TFEB: variants seen among roughly 807,000 people sequenced by gnomAD.
TFEB encodes transcription factor EB, also known as T-cell transcription factor EB.
A neutral mutation model predicts 48.0 loss-of-function variants in TFEB; 12 were observed. That is an observed-to-expected ratio of 0.25 (90% CI 0.16 to 0.40). TFEB has a LOEUF of 0.40. Among genes scored for constraint, TFEB ranks in the 10% least tolerant of loss-of-function variants. TFEB has a pLI of 1.00. For synonymous variants in TFEB, 244 were observed against 261.4 expected, an observed-to-expected ratio of 0.93 and a Z score of 0.64; for missense variants, 509 against 640.3, an observed-to-expected ratio of 0.79 and a Z score of 2.21.
At position 41,734,858 on chromosome 6, in the gene TFEB, C is replaced by G. The variant is rs866371355; in HGVS notation, c.-23+492G>C. 11 of 983,120 alleles carry G rather than the reference C, an allele frequency of 1.1e-5. No individual in the cohort carries two copies. In the South Asian group the frequency reaches 4.2e-4, roughly 38 times the overall value. 60.9% of individuals were successfully genotyped at this position (983,120 alleles called of 1,614,324 possible). On this transcript the variant is annotated intron_variant, in intron 1 of 8. Transcript: ENST00000373033. This position sits in a 1 kb window ranked among gnomAD's most constrained non-coding sequence, Gnocchi z 4.0. ...CGCCGCTCTGGCCCTCCCACTCCCC[C>G]CGCTGGCCTGGCCAGACTCAGCCCC...
chr6:41,730,656 C>T lies in TFEB; in HGVS notation c.-23+4694G>A, dbSNP rs1217244841. ...TTGCCATTTCACAGCAAAGCATTTC[C>T]TGTGGGCATGATAAGTCCCAGATCC... On this transcript the variant is annotated intron_variant, in intron 1 of 8. Transcript: ENST00000373033. The surrounding 1 kb of genome is among the most constrained non-coding windows in gnomAD (Gnocchi z 4.1). Among the ~76,000 whole-genome samples, 1 of 152,236 alleles carries T rather than the reference C, an allele frequency of 6.6e-6. No homozygotes were observed. Among genetic ancestry groups the T allele is most frequent in the East Asian group, 1.9e-4 (1 of 5,200 alleles).
Position 41,734,970 on chromosome 6 carries a change from G to A in TFEB, c.-23+380C>T, listed in dbSNP as rs535468411. 2,175 of 985,436 alleles carry A rather than the reference G, an allele frequency of 2.2e-3. 38 individuals carry two copies. The African/African-American group carries it at 0.035, about 16-fold the overall frequency. 61.0% of individuals were successfully genotyped at this position (985,436 alleles called of 1,614,324 possible). On this transcript the variant is annotated intron_variant, in intron 1 of 8. Transcript: ENST00000373033. The surrounding 1 kb of genome is among the most constrained non-coding windows in gnomAD (Gnocchi z 4.0). The stretch of plus-strand genomic sequence containing the variant: ...GAGGGGGAGTGGGCGCGGGGCCCGC[G>A]CGTCCCTCAAACTTCTTGCGAGTTC...
In TFEB at chr6:41,687,077, C is replaced by G. The variant is rs760393685; in HGVS notation, c.803+17G>C. The stretch of plus-strand genomic sequence containing the variant: ...CCCACCCAGACCCATCACCCTCCCC[C>G]TCAGAAACCTGCTCACAGGTCATTG... On this transcript the variant is annotated intron_variant, in intron 7 of 8. Transcript: ENST00000373033. The G allele has an allele frequency of 3.1e-6, 5 of 1,613,762 alleles. No homozygotes were observed. Among genetic ancestry groups the G allele is most frequent in the Admixed American group, 1.7e-5 (1 of 60,002 alleles).
At chr6:41,695,483 A>G (rs1004794333) in intron 1 of TFEB, among the ~76,000 whole-genome samples, 1 of 152,230 alleles carries the variant, frequency 6.6e-6, no homozygotes, top group Non-Finnish European at 1.5e-5. Flanking sequence ...CAACAACCCA[A>G]TGAGCTGAGT....
At position 41,691,204 on chromosome 6, in the gene TFEB, G is replaced by T; in HGVS notation, c.10C>A (p.Arg4Ser). The T allele has an allele frequency of 6.3e-7, 1 of 1,584,446 alleles. No homozygotes were observed. Residue 4 changes from arginine to serine, a missense_variant, in exon 2 of 9, where the codon CGC becomes AGC. By Grantham distance (110) the Arg-to-Ser change is moderately radical. Around this residue, in one of 4 missense-constraint regions of TFEB, gnomAD observed 251 missense variants for 317.2 expected, o/e 0.79. Coordinates refer to ENST00000373033, the MANE Select transcript of TFEB (RefSeq NM_001271944.2). The surrounding 1 kb of genome is among the most constrained non-coding windows in gnomAD (Gnocchi z 5.2). MASRIGLRMQLMRE... is the reference protein window; with the variant it reads MASSIGLRMQLMRE... ...ATGAGCTGCATGCGCAACCCTATGC[G>T]TGACGCCATGGTGGCTGCCGGCGCT...
intron 8 of TFEB, among the ~76,000 whole-genome samples, chr6:41,685,579 A>G (rs1046076362): frequency 7.2e-5 from 11 of 152,082 alleles, no homozygotes; most frequent in Admixed American, 7.2e-4. Context: ...CAGGACTAGA[A>G]CTCTCAGTTC....
In TFEB at chr6:41,691,049, G is replaced by T. The variant is rs371464597; in HGVS notation, c.165C>A (p.Thr55=). The T allele has an allele frequency of 7.0e-5, 110 of 1,573,780 alleles. No individual in the cohort carries two copies. The highest frequency in any genetic ancestry group is 9.1e-5 in the Non-Finnish European group (106 of 1,158,660). The change falls in exon 2 of 9, where the codon ACC becomes ACA. Residue 55 remains threonine (T), a synonymous_variant. Coordinates refer to ENST00000373033, the MANE Select transcript of TFEB (RefSeq NM_001271944.2). This position sits in a 1 kb window ranked among gnomAD's most constrained non-coding sequence, Gnocchi z 5.2. ...LGGPPTPAIN[T]PVHFQSPPPV... Reference sequence around the variant, plus strand: ...GTGGTGGCGACTGGAAGTGGACGGGGGTATTGATGGCCGGGGTGGGCGGCC... The same window carrying T: ...GTGGTGGCGACTGGAAGTGGACGGGTGTATTGATGGCCGGGGTGGGCGGCC...
rs752899116 is a variant in TFEB, at chr6:41,687,486, A to G, written c.727+267T>C. Among the ~76,000 whole-genome samples the G allele has an allele frequency of 6.9e-4, 105 of 152,256 alleles. 2 individuals carry two copies. The highest frequency in any genetic ancestry group is 1.8e-4 in the Non-Finnish European group (12 of 68,034). On this transcript the variant is annotated intron_variant, in intron 6 of 8. Coordinates refer to ENST00000373033, the MANE Select transcript of TFEB (RefSeq NM_001271944.2). ...TGCCCCAGGTTCCATGCCTTAACCC[A>G]GAAAACAACCTGATAAACTGGGGGT...
At chr6:41,727,912 G>A (rs1771278300) in intron 1 of TFEB, among the ~76,000 whole-genome samples, 1 of 152,134 alleles carries the variant, frequency 6.6e-6, no homozygotes, top group South Asian at 2.1e-4. Flanking sequence ...TAGTCCTCCT[G>A]GAAGGAAGGA....
At chr6:41,729,760 G>T (rs1024040201) in intron 1 of TFEB, among the ~76,000 whole-genome samples, 1 of 152,208 alleles carries the variant, frequency 6.6e-6, no homozygotes, top group African/African-American at 2.4e-5. Context: ...AGGACTGACT[G>T]TAGAGGGGAC....
intron 1 of TFEB, among the ~76,000 whole-genome samples, chr6:41,709,313 C>T (rs1770377600): frequency 6.6e-6 from 1 of 152,208 alleles, no homozygotes; most frequent in Admixed American, 6.5e-5. Context: ...TACTTAAATT[C>T]CCAGGGTCGC....
At chr6:41,715,878 A>G (rs746334837) in intron 1 of TFEB, among the ~76,000 whole-genome samples, 8 of 152,154 alleles carry the variant, frequency 5.3e-5, no homozygotes, top group Non-Finnish European at 8.8e-5. Context: ...AACCCAGCAC[A>G]TAGCTCTTGA....
Position 41,699,124 on chromosome 6 carries a change from G to A in TFEB, c.-22-7889C>T, listed in dbSNP as rs192856427. ...GGCTGGACTCAATTGTCTGGGTATG[G>A]CCTCAGTCTCCCCATCAGTCAAGCA... On this transcript the variant is annotated intron_variant, in intron 1 of 8. Transcript: ENST00000373033. 4.6e-5 allele frequency among the ~76,000 whole-genome samples: 7 copies of A among 152,346 alleles called. No individual in the cohort carries two copies. The East Asian group carries it at 1.4e-3, about 29-fold the overall frequency.
chr6:41,731,748 A>G (rs1004471421), intron 1 of TFEB, among the ~76,000 whole-genome samples: 4 of 152,216 alleles, frequency 2.6e-5, no homozygotes, highest in Admixed American at 6.5e-5. Flanking sequence ...CTGATTAAAC[A>G]AGGGCCTGCT....
In TFEB at chr6:41,684,909, G is replaced by T; in HGVS notation, c.1121C>A (p.Ala374Asp). The change falls in exon 9 of 9, where the codon GCT becomes GAT. Residue 374 changes from alanine (A) to aspartate (D), a missense_variant. Ala to Asp is a moderately radical substitution (Grantham distance 126). This residue lies in a region of TFEB where 168 missense variants were observed against 161.0 expected (regional missense o/e 1.04). Transcript: ENST00000373033. ...GGGCAGCGGGGCTTGCGGGGGCAGA[G>T]CTGGCAGTGGCTCAGGGTCAGGGAC... ...AEVPDPEPLP[A>D]LPPQAPLPLP... The T allele has an allele frequency of 6.4e-7, 1 of 1,572,864 alleles. No homozygotes were observed. Among genetic ancestry groups the T allele is most frequent in the Non-Finnish European group, 8.6e-7 (1 of 1,158,912 alleles).
rs538029731 is a variant in TFEB at position 41,730,731 on chromosome 6, G to A, written c.-23+4619C>T. Among the ~76,000 whole-genome samples the A allele has an allele frequency of 4.6e-5, 7 of 152,338 alleles. No homozygotes were observed. In the South Asian group the frequency reaches 8.3e-4, roughly 18 times the overall value. ...CTGTCCCCAATGACATCACAGCCAA[G>A]GGGATCTGTATCTCTGGTGCAGTGT... On this transcript the variant is annotated intron_variant, in intron 1 of 8. Transcript: ENST00000373033. This position sits in a 1 kb window ranked among gnomAD's most constrained non-coding sequence, Gnocchi z 4.1.
At chr6:41,711,661 G>T (rs917590501) in intron 1 of TFEB, among the ~76,000 whole-genome samples, 1 of 152,210 alleles carries the variant, frequency 6.6e-6, no homozygotes, top group African/African-American at 2.4e-5. Context: ...ACAAAAGGGT[G>T]GGCTGTTGGA....
chr6:41,731,616 C>A (rs920988921), intron 1 of TFEB, among the ~76,000 whole-genome samples: 1 of 152,208 alleles, frequency 6.6e-6, no homozygotes, highest in Non-Finnish European at 1.5e-5. Flanking sequence ...AAAGCAGAGA[C>A]CTGCCCAGCC....
chr6:41,704,782 C>G (rs902310727), intron 1 of TFEB, among the ~76,000 whole-genome samples: 1 of 152,192 alleles, frequency 6.6e-6, no homozygotes, highest in Non-Finnish European at 1.5e-5. Context: ...AAGCACAGAG[C>G]TATTTTAAAG....
Sources: allele counts gnomAD v4.1 joint callset (sites outside exome capture counted in the v4.1 genomes callset), GRCh38; gene constraint gnomAD v4.1.1; regional missense constraint gnomAD v4.1.1; non-coding constraint Gnocchi (gnomAD v3.1); transcripts MANE v1.5; gene names NCBI Gene and HGNC (gene_info 2026-07-23, HGNC 2026-07-21).